ATL3: variants seen among roughly 807,000 people sequenced by gnomAD.
ATL3 encodes atlastin-3.
A neutral mutation model predicts 69.5 loss-of-function variants in ATL3; 49 were observed. The observed-to-expected ratio is 0.71, with a 90% CI of 0.56 to 0.89. The LOEUF is 0.89. Ranked by LOEUF, ATL3 falls within the 40% of genes least tolerant of loss-of-function variation. The pLI, the probability that ATL3 is intolerant of heterozygous loss-of-function variation, is 0.00. For synonymous variants in ATL3, 214 were observed against 224.1 expected, an observed-to-expected ratio of 0.95 and a Z score of 0.40; for missense variants, 606 against 645.7, an observed-to-expected ratio of 0.94 and a Z score of 0.67.
chr11:63,632,550 G>A (rs1021173384), intron 11 of ATL3: 2 of 858,102 alleles, frequency 2.3e-6, no homozygotes, highest in African/African-American at 3.3e-5. Flanking sequence ...ATGTCCCAGT[G>A]GGTCATGTTT....
chr11:63,665,359 A>C (rs1301108614), intron 1 of ATL3, among the ~76,000 whole-genome samples: 2 of 151,946 alleles, frequency 1.3e-5, no homozygotes, highest in African/African-American at 4.8e-5. Context: ...AAAAAAAAAA[A>C]AAAAGAAGAA....
chr11:63,629,357 C>G lies in ATL3; in HGVS notation c.1588G>C (p.Val530Leu). 6.2e-7 allele frequency: 1 copy of G among 1,614,178 alleles called. No homozygotes were observed. The highest frequency in any genetic ancestry group is 8.5e-7 in the Non-Finnish European group (1 of 1,180,030). Residue 530 changes from valine to leucine, a missense_variant, in exon 13 of 13, where the codon GTT becomes CTT. By Grantham distance (32) the Val-to-Leu change is conservative. Coordinates refer to ENST00000398868, the MANE Select transcript of ATL3 (RefSeq NM_015459.5). ...NSTQATVRDA[V>L]VGRPSMDKKA... Reference sequence around the variant, plus strand: ...TTATCCATGGATGGTCTTCCAACAACTGCATCCCTCACAGTGGCCTGAGTG... The same window carrying G: ...TTATCCATGGATGGTCTTCCAACAAGTGCATCCCTCACAGTGGCCTGAGTG...
intron 11 of ATL3, chr11:63,632,328 T>G: frequency 1.2e-6 from 1 of 832,740 alleles, no homozygotes; most frequent in South Asian, 1.3e-5. Flanking sequence ...TTGTCATGTG[T>G]TCTGGACCAT....
chr11:63,657,040 T>C (rs1452420514), intron 3 of ATL3, among the ~76,000 whole-genome samples: 6 of 151,462 alleles, frequency 4.0e-5, no homozygotes, highest in Non-Finnish European at 5.9e-5. Context: ...TGAAACCCTG[T>C]CTCTACTAAA....
Position 63,652,505 on chromosome 11 carries a change from A to G in ATL3, c.476T>C (p.Ile159Thr), listed in dbSNP as rs1442512532. Residue 159 changes from isoleucine (I) to threonine (T), a missense_variant, in exon 4 of 13, where the codon ATC becomes ACC. Transcript: ENST00000398868. ...ACTAGTCATAGTGCTTAGAGCAAAG[A>G]TGGTAGCACAGTCTTTCACAGTTGA... ...SQSTVKDCAT[I>T]FALSTMTSSV... The G allele has an allele frequency of 1.2e-6, 2 of 1,609,940 alleles. No individual in the cohort carries two copies. Among genetic ancestry groups the G allele is most frequent in the East Asian group, 4.5e-5 (2 of 44,848 alleles).
At chr11:63,640,580 T>G (rs924066165) in intron 8 of ATL3, among the ~76,000 whole-genome samples, 1 of 148,780 alleles carries the variant, frequency 6.7e-6, no homozygotes, top group Non-Finnish European at 1.5e-5. Context: ...ATGATAATAA[T>G]GCTACCATAG....
At position 63,652,490 on chromosome 11, in the gene ATL3, G is replaced by C; in HGVS notation, c.491C>G (p.Thr164Ser). Residue 164 changes from threonine to serine, a missense_variant, in exon 4 of 13, where the codon ACT (threonine) becomes AGT (serine). By Grantham distance (58) the Thr-to-Ser change is moderately conservative. Transcript: ENST00000398868. ...KDCATIFALS[T>S]MTSSVQIYNL... ...TTTTACCTGAACAGAACTAGTCATAGTGCTTAGAGCAAAGATGGTAGCACA... is the reference window on the plus strand; with the variant it reads ...TTTTACCTGAACAGAACTAGTCATACTGCTTAGAGCAAAGATGGTAGCACA... 6.2e-7 allele frequency: 1 copy of C among 1,603,690 alleles called. No homozygotes were observed. The highest frequency in any genetic ancestry group is 1.1e-5 in the South Asian group (1 of 89,208).
At chr11:63,641,307 A>G (rs1939694138) in intron 8 of ATL3, among the ~76,000 whole-genome samples, 3 of 152,184 alleles carry the variant, frequency 2.0e-5, no homozygotes. Context: ...TAGTGATTAA[A>G]CCATTCATAA....
intron 3 of ATL3, among the ~76,000 whole-genome samples, chr11:63,654,009 T>C (rs764119997): frequency 6.6e-6 from 1 of 152,182 alleles, no homozygotes; most frequent in African/African-American, 2.4e-5. Context: ...TGACAATATA[T>C]TGGTTCAAAT....
chr11:63,638,796 AC>A (rs1939603006), intron 8 of ATL3, among the ~76,000 whole-genome samples: 1 of 152,036 alleles, frequency 6.6e-6, no homozygotes, highest in African/African-American at 2.4e-5. Flanking sequence ...CATCAGTTAT[AC>A]CAAAACTAAG....
At position 63,652,566 on chromosome 11, in the gene ATL3, C is replaced by T; in HGVS notation, c.415G>A (p.Val139Ile). 1.9e-6 allele frequency: 3 copies of T among 1,606,266 alleles called. No homozygotes were observed. The highest frequency in any genetic ancestry group is 2.6e-6 in the Non-Finnish European group (3 of 1,175,586). ...AATGCCCCCTGGGTATCCATCAGAA[C>T]AACTGCAACCTAAAAAAAAGGAAAA... is the stretch of plus-strand genomic sequence containing the variant. ...EKPGGKKVAV[V>I]LMDTQGAFDS... Residue 139 changes from valine (V) to isoleucine (I), a missense_variant, in exon 4 of 13, where the codon GTT becomes ATT. By Grantham distance (29) the Val-to-Ile change is conservative (BLOSUM62 3). Transcript: ENST00000398868.
At chr11:63,670,043 T>C (rs1590750445) in intron 1 of ATL3, among the ~76,000 whole-genome samples, 3 of 151,822 alleles carry the variant, frequency 2.0e-5, no homozygotes, top group South Asian at 4.2e-4. Flanking sequence ...GAAGCGGAGG[T>C]TGCAATCAGC....
chr11:63,655,068 T>C (rs1483813256), intron 3 of ATL3, among the ~76,000 whole-genome samples: 2 of 152,204 alleles, frequency 1.3e-5, no homozygotes, highest in East Asian at 1.9e-4. Context: ...CTGGTTATTT[T>C]TGCATTCCTA....
chr11:63,671,852 G>C (rs186216172), upstream of ATL3: 2 of 658,128 alleles, frequency 3.0e-6, no homozygotes, highest in Admixed American at 5.6e-5. Flanking sequence ...GTGCAGACCA[G>C]GCCCCAGGCC....
In ATL3 at chr11:63,631,248, G is replaced by A. The variant is rs1421259484; in HGVS notation, c.1331C>T (p.Pro444Leu). ...TACAATGCCCGTGAACAGCACTGCA[G>A]GGGTTCGGAAGGTGCTGAAGACGTT... ...SKNVFSTFRT[P>L]AVLFTGIVAL... The change falls in exon 12 of 13, where the codon CCT (proline) becomes CTT (leucine). Residue 444 changes from proline to leucine, a missense_variant. By Grantham distance (98) the Pro-to-Leu change is moderately conservative. Transcript: ENST00000398868. 1 of 1,614,212 alleles carries A rather than the reference G, an allele frequency of 6.2e-7. No homozygotes were observed. Among genetic ancestry groups the A allele is most frequent in the Non-Finnish European group, 8.5e-7 (1 of 1,180,032 alleles).
chr11:63,637,856 A>C (rs1413983025), intron 8 of ATL3: 1 of 152,264 alleles, frequency 6.6e-6, no homozygotes, highest in Non-Finnish European at 1.5e-5. Flanking sequence ...GCAGTGAAAA[A>C]GTATAAAAGT....
At chr11:63,670,719 A>G (rs1050856929) in intron 1 of ATL3, among the ~76,000 whole-genome samples, 1 of 152,262 alleles carries the variant, frequency 6.6e-6, no homozygotes, top group African/African-American at 2.4e-5. Context: ...CAACTTTCCT[A>G]ATACTTGTGG....
At chr11:63,632,968 A>G in intron 11 of ATL3, 58 bp downstream of exon 11, 1 of 1,505,090 alleles carries the variant, frequency 6.6e-7, no homozygotes, top group East Asian at 2.3e-5. Flanking sequence ...GGGCTTTTGA[A>G]GTCAGCAACA....
intron 5 of ATL3, among the ~76,000 whole-genome samples, chr11:63,648,258 G>A (rs1939952127): frequency 6.6e-6 from 1 of 152,120 alleles, no homozygotes; most frequent in African/African-American, 2.4e-5. Flanking sequence ...TCACCCTACT[G>A]GTTGCCACAG....
Sources: allele counts gnomAD v4.1 joint callset (sites outside exome capture counted in the v4.1 genomes callset), GRCh38; gene constraint gnomAD v4.1.1; transcripts MANE v1.5; gene names NCBI Gene and HGNC (gene_info 2026-07-23, HGNC 2026-07-21).